HS3ST5: variants seen among roughly 807,000 people sequenced by gnomAD.
HS3ST5 encodes heparan sulfate glucosamine 3-O-sulfotransferase 5.
Under a neutral mutation model 25.4 loss-of-function variants are expected in HS3ST5, and 10 were observed. The observed-to-expected ratio is 0.39, with a 90% CI of 0.24 to 0.67. HS3ST5 has a LOEUF of 0.67. HS3ST5 is among the 30% of genes least tolerant of loss of function. The pLI is 0.44. For missense variants in HS3ST5, 324 were observed against 420.7 expected (o/e 0.77, Z 2.01); for synonymous variants, 170 against 162.4 (o/e 1.05, Z -0.36).
intron 3 of HS3ST5, among the ~76,000 whole-genome samples, chr6:114,142,472 G>A (rs899805178): frequency 1.3e-5 from 2 of 152,164 alleles, no homozygotes; most frequent in South Asian, 2.1e-4. Context: ...GGAGGTAAGC[G>A]TGGCTGGGAG....
chr6:114,165,949 C>T (rs745954880), intron 3 of HS3ST5, among the ~76,000 whole-genome samples: 10 of 152,070 alleles, frequency 6.6e-5, no homozygotes, highest in South Asian at 2.1e-4. Context: ...GGGAGGCTGA[C>T]GCGGGAGGAT....
chr6:114,147,615 C>CT (rs2114951296), intron 3 of HS3ST5, among the ~76,000 whole-genome samples: 1 of 152,286 alleles, frequency 6.6e-6, no homozygotes, highest in South Asian at 2.1e-4. Context: ...GAGTCTCGCT[C>CT]TGTCACCCAG....
intron 2 of HS3ST5, among the ~76,000 whole-genome samples, chr6:114,184,799 T>C (rs907211593): frequency 6.6e-6 from 1 of 152,064 alleles, no homozygotes; most frequent in African/African-American, 2.4e-5. Context: ...GAGGGCAGAG[T>C]ATAGAGCTAA....
intron 1 of HS3ST5, among the ~76,000 whole-genome samples, chr6:114,283,110 A>G (rs903706347): frequency 3.9e-5 from 6 of 152,000 alleles, no homozygotes; most frequent in Admixed American, 1.3e-4. Flanking sequence ...AAATAAAAGA[A>G]TACCATTTTT....
intron 3 of HS3ST5, among the ~76,000 whole-genome samples, chr6:114,146,018 G>T (rs1052156449): frequency 6.6e-6 from 1 of 152,034 alleles, no homozygotes; most frequent in Admixed American, 6.6e-5. Flanking sequence ...CTAACTAAAT[G>T]GGTCCAAACT....
At chr6:114,116,667 C>T (rs1293301312) in intron 3 of HS3ST5, among the ~76,000 whole-genome samples, 1 of 151,996 alleles carries the variant, frequency 6.6e-6, no homozygotes, top group East Asian at 1.9e-4. Flanking sequence ...CTTCGCCTTC[C>T]ACTTCCCACC....
chr6:114,066,731 T>A (rs1773473170), intron 3 of HS3ST5, among the ~76,000 whole-genome samples: 1 of 152,244 alleles, frequency 6.6e-6, no homozygotes, highest in South Asian at 2.1e-4. Flanking sequence ...GTCACCAAGG[T>A]CAGTACAAAT....
At position 114,076,713 on chromosome 6, in the gene HS3ST5, G is replaced by T. The variant is rs774797976; in HGVS notation, c.-32-13836C>A. The stretch of plus-strand genomic sequence containing the variant: ...GTTTTCCTTCTGTAATAATAATTAC[G>T]TAAGAGCACTGTAATGAGAAAGAAA... On this transcript the variant is annotated intron_variant, in intron 3 of 4. Coordinates refer to ENST00000312719, the MANE Select transcript of HS3ST5 (RefSeq NM_153612.4). Among the ~76,000 whole-genome samples, 19 of 152,184 alleles carry T rather than the reference G, an allele frequency of 1.2e-4. 1 individual carries two copies. The highest frequency in any genetic ancestry group is 8.8e-5 in the Non-Finnish European group (6 of 68,040).
chr6:114,329,853 A>G (rs1776319802), intron 1 of HS3ST5, among the ~76,000 whole-genome samples: 1 of 152,214 alleles, frequency 6.6e-6, no homozygotes, highest in South Asian at 2.1e-4. Flanking sequence ...ACTCTTCTGA[A>G]TACAGTACAT....
intron 2 of HS3ST5, among the ~76,000 whole-genome samples, chr6:114,219,585 T>G (rs1781935547): frequency 6.6e-6 from 1 of 152,182 alleles, no homozygotes. Context: ...AAATTAGTTA[T>G]TTTCACAGTT....
At chr6:114,165,360 T>C (rs1053009392) in intron 3 of HS3ST5, among the ~76,000 whole-genome samples, 3 of 152,202 alleles carry the variant, frequency 2.0e-5, no homozygotes, top group African/African-American at 7.2e-5. Context: ...CTAGATTTGC[T>C]CCCAGAATCC....
chr6:114,075,585 C>T (rs971562459), intron 3 of HS3ST5, among the ~76,000 whole-genome samples: 2 of 152,162 alleles, frequency 1.3e-5, no homozygotes, highest in African/African-American at 2.4e-5. Context: ...GCTCTATTGT[C>T]GCTGTCTTAG....
chr6:114,161,575 A>ATATATAT (rs60732374), intron 3 of HS3ST5, among the ~76,000 whole-genome samples: 504 of 107,572 alleles, frequency 4.7e-3, no homozygotes, highest in Non-Finnish European at 6.2e-3. Flanking sequence ...ATATATATAT[A>ATATATAT]AAATGCAATG....
At chr6:114,322,508 C>A (rs1776008743) in intron 1 of HS3ST5, among the ~76,000 whole-genome samples, 1 of 151,992 alleles carries the variant, frequency 6.6e-6, no homozygotes, top group Non-Finnish European at 1.5e-5. Context: ...ATTCCAAATT[C>A]TAAATATATA....
At chr6:114,174,619 T>C (rs1055567983) in intron 2 of HS3ST5, among the ~76,000 whole-genome samples, 2 of 152,232 alleles carry the variant, frequency 1.3e-5, no homozygotes, top group African/African-American at 2.4e-5. Flanking sequence ...TTAACACTAA[T>C]GTTCCCATTT....
At position 114,057,793 on chromosome 6, in the gene HS3ST5, T is replaced by A; in HGVS notation, c.505A>T (p.Ile169Phe). The A allele has an allele frequency of 6.2e-7, 1 of 1,614,140 alleles. No individual in the cohort carries two copies. The highest frequency in any genetic ancestry group is 8.5e-7 in the Non-Finnish European group (1 of 1,180,024). Reference protein sequence around the residue: ...YFITEEVPERIYKMNSSIKLL... With the variant: ...YFITEEVPERFYKMNSSIKLL... ...TTGATGGATGAGTTCATTTTGTAAA[T>A]CCTTTCTGGAACCTCCTCTGTGATA... The change falls in exon 5 of 5, where the codon ATT becomes TTT. Residue 169 changes from isoleucine (I) to phenylalanine (F), a missense_variant. By Grantham distance (21) the Ile-to-Phe change is conservative (BLOSUM62 0). This residue lies in a region of HS3ST5 where 203 missense variants were observed against 303.4 expected (regional missense o/e 0.67). Coordinates refer to ENST00000312719, the MANE Select transcript of HS3ST5 (RefSeq NM_153612.4).
At chr6:114,248,591 T>C (rs934731622) in intron 1 of HS3ST5, among the ~76,000 whole-genome samples, 1 of 152,192 alleles carries the variant, frequency 6.6e-6, no homozygotes, top group African/African-American at 2.4e-5. Flanking sequence ...CTTCCTTTGG[T>C]TGATGGTTCT....
intron 3 of HS3ST5, among the ~76,000 whole-genome samples, chr6:114,080,765 C>T (rs1774407695): frequency 6.6e-6 from 1 of 152,198 alleles, no homozygotes; most frequent in South Asian, 2.1e-4. Flanking sequence ...GAACAATAGA[C>T]ACTGCAGACT....
At chr6:114,232,760 A>G (rs1410072906) in intron 1 of HS3ST5, among the ~76,000 whole-genome samples, 9 of 152,106 alleles carry the variant, frequency 5.9e-5, no homozygotes, top group African/African-American at 1.9e-4. Context: ...TTTTGATTTT[A>G]CTTCCTAAAT....
Sources: gnomAD v4.1 joint callset for allele counts (sites outside exome capture counted in the v4.1 genomes callset) on GRCh38, gnomAD v4.1.1 for gene constraint, gnomAD v4.1.1 regional missense constraint, MANE v1.5 for transcripts, NCBI Gene and HGNC (gene_info 2026-07-23, HGNC 2026-07-21) for gene names.